The following RPS6KA2 variants were observed in gnomAD, a reference collection of about 807,000 sequenced individuals.
RPS6KA2 encodes ribosomal protein S6 kinase alpha-2.
Under a neutral mutation model 91.8 loss-of-function variants are expected in RPS6KA2, and 42 were observed. That is an observed-to-expected ratio of 0.46 (90% CI 0.36 to 0.59). The LOEUF (loss-of-function observed/expected upper bound fraction) is 0.59, where lower values mean the gene tolerates loss of function less well. Ranked by LOEUF, RPS6KA2 falls within the 20% of genes least tolerant of loss-of-function variation. RPS6KA2 has a pLI of 0.00. For missense variants in RPS6KA2, 798 were observed against 978.5 expected (o/e 0.82, Z 2.46); for synonymous variants, 414 against 393.6 (o/e 1.05, Z -0.61).
intron 2 of RPS6KA2, among the ~76,000 whole-genome samples, chr6:166,754,115 C>T (rs1000453649): frequency 2.6e-5 from 4 of 152,290 alleles, no homozygotes; most frequent in South Asian, 2.1e-4. Context: ...GTGCCTGGAA[C>T]GGTTTCTCAG....
rs80267189 is a variant in RPS6KA2 at position 166,532,282 on chromosome 6, G to C, written c.217-969C>G. Among the ~76,000 whole-genome samples the C allele has an allele frequency of 5.3e-4, 80 of 152,338 alleles. 4 individuals carry two copies. In the East Asian group the frequency reaches 0.015, roughly 28 times the overall value. On this transcript the variant is annotated intron_variant, in intron 2 of 20. Coordinates refer to ENST00000265678, the MANE Select transcript of RPS6KA2 (RefSeq NM_021135.6). ...GCAGCCTCACCTGCCATGGGCAGAG[G>C]GACATGGCTGGGACCTTTGCACTCT...
intron 1 of RPS6KA2, among the ~76,000 whole-genome samples, chr6:166,564,238 T>TC (rs1311241777): frequency 2.0e-5 from 3 of 152,222 alleles, no homozygotes; most frequent in Non-Finnish European, 4.4e-5. Flanking sequence ...CCCGCATCAT[T>TC]CGATCAAGAG....
intron 1 of RPS6KA2, among the ~76,000 whole-genome samples, chr6:166,560,316 A>T (rs993612586): frequency 1.3e-5 from 2 of 152,262 alleles, no homozygotes; most frequent in Non-Finnish European, 2.9e-5. Context: ...TTCAAAGAAC[A>T]ACTAGTCTTC....
intron 1 of RPS6KA2, among the ~76,000 whole-genome samples, chr6:166,577,731 G>A (rs905955727): frequency 7.2e-5 from 11 of 152,326 alleles, no homozygotes; most frequent in African/African-American, 2.6e-4. Context: ...GGTTAATGCT[G>A]AAATAAGTTA....
chr6:166,814,415 G>A (rs938577596), intron 2 of RPS6KA2, among the ~76,000 whole-genome samples: 13 of 152,182 alleles, frequency 8.5e-5, no homozygotes, highest in African/African-American at 3.1e-4. Context: ...ACTTTCTTAC[G>A]AATTATTTAA....
At chr6:166,838,192 A>C (rs1474562154) in intron 2 of RPS6KA2, among the ~76,000 whole-genome samples, 2 of 152,204 alleles carry the variant, frequency 1.3e-5, no homozygotes, top group African/African-American at 4.8e-5. Context: ...GTTGGAAATC[A>C]ATGCCTTGTC....
chr6:166,510,353 C>T lies in RPS6KA2; in HGVS notation c.303G>A (p.Arg101=). The change falls in exon 4 of 21, where the codon CGG becomes CGA. Residue 101 remains arginine, a synonymous_variant. Coordinates refer to ENST00000265678, the MANE Select transcript of RPS6KA2 (RefSeq NM_021135.6). The part of the protein sequence containing the change: ...KVLKKATLKV[R]DRVRSKMERD... ...TCTCCATCTTCGATCTCACTCGGTCCCGAACTGCAAAGTAAAAAGATAAAG... is the reference window on the plus strand; with the variant it reads ...TCTCCATCTTCGATCTCACTCGGTCTCGAACTGCAAAGTAAAAAGATAAAG... The T allele has an allele frequency of 1.3e-6, 2 of 1,586,622 alleles. No individual in the cohort carries two copies. The highest frequency in any genetic ancestry group is 1.7e-6 in the Non-Finnish European group (2 of 1,163,116).
chr6:166,521,071 C>T (rs890483160), intron 3 of RPS6KA2, among the ~76,000 whole-genome samples: 6 of 152,380 alleles, frequency 3.9e-5, no homozygotes, highest in Middle Eastern at 3.4e-3. Context: ...TGGGCAGACC[C>T]TGGTGCCCTG....
chr6:166,712,702 G>A (rs751070135), intron 2 of RPS6KA2, among the ~76,000 whole-genome samples: 6 of 152,176 alleles, frequency 3.9e-5, no homozygotes, highest in Non-Finnish European at 8.8e-5. Flanking sequence ...ATGTCCCACC[G>A]AGGCCCACAG....
intron 2 of RPS6KA2, among the ~76,000 whole-genome samples, chr6:166,673,828 G>A (rs1368845431): frequency 2.6e-5 from 4 of 152,198 alleles, no homozygotes; most frequent in Non-Finnish European, 4.4e-5. Context: ...TAAGCTTGCC[G>A]TAAGACATGC....
At chr6:166,594,587 C>G (rs1335094362) in intron 1 of RPS6KA2, among the ~76,000 whole-genome samples, 1 of 152,172 alleles carries the variant, frequency 6.6e-6, no homozygotes, top group East Asian at 1.9e-4. Context: ...CTCAGCCTCC[C>G]CAGTAGCTGG....
At chr6:166,705,174 T>C (rs1184428916) in intron 2 of RPS6KA2, among the ~76,000 whole-genome samples, 1 of 152,226 alleles carries the variant, frequency 6.6e-6, no homozygotes. Flanking sequence ...TCAATACCTC[T>C]TGCAGGATTT....
intron 2 of RPS6KA2, among the ~76,000 whole-genome samples, chr6:166,653,747 C>T (rs911681588): frequency 6.6e-6 from 1 of 152,206 alleles, no homozygotes; most frequent in African/African-American, 2.4e-5. Context: ...CAGGTAGCGG[C>T]TCCCTGGTTA....
In RPS6KA2 at chr6:166,415,063, TCAAA is replaced by T. The variant is rs553452457; in HGVS notation, c.1939-1136_1939-1133del. Among the ~76,000 whole-genome samples the T allele has an allele frequency of 1.2e-4, 19 of 152,216 alleles. 1 individual carries two copies. Among genetic ancestry groups the T allele is most frequent in the East Asian group, 5.8e-4 (3 of 5,184 alleles). On this transcript the variant is annotated intron_variant, in intron 19 of 20. Coordinates refer to ENST00000265678, the MANE Select transcript of RPS6KA2 (RefSeq NM_021135.6). ...GTGGGTTACATGGCAAGAGTCCATC[TCAAA>T]CAAACAAACAAACAAAAAAGAATGC...
intron 11 of RPS6KA2, among the ~76,000 whole-genome samples, chr6:166,463,759 T>C (rs1780418649): frequency 6.6e-6 from 1 of 152,228 alleles, no homozygotes; most frequent in African/African-American, 2.4e-5. Flanking sequence ...AAAGGGCACA[T>C]TTATAGATTA....
intron 11 of RPS6KA2, among the ~76,000 whole-genome samples, chr6:166,460,336 C>T (rs1370140136): frequency 1.3e-5 from 2 of 152,208 alleles, no homozygotes; most frequent in Admixed American, 6.5e-5. Flanking sequence ...GTTTTCAATC[C>T]TCTAGGGCAA....
intron 16 of RPS6KA2, 110 bp downstream of exon 16, chr6:166,430,343 A>C: frequency 1.0e-6 from 1 of 976,218 alleles, no homozygotes; most frequent in Non-Finnish European, 1.5e-6. Flanking sequence ...CACGGAAGGA[A>C]TTCCAGGACA....
chr6:166,655,769 C>T (rs763746313), intron 2 of RPS6KA2, among the ~76,000 whole-genome samples: 8 of 152,148 alleles, frequency 5.3e-5, no homozygotes, highest in Non-Finnish European at 2.9e-5. Flanking sequence ...ACTGGGCTGG[C>T]GAGAGTGTGA....
rs1310139349 is a variant in RPS6KA2, at chr6:166,666,802, A to G, written c.124-128018T>C. Among the ~76,000 whole-genome samples the G allele has an allele frequency of 6.6e-6, 1 of 152,264 alleles. No homozygotes were observed. The highest frequency in any genetic ancestry group is 1.5e-5 in the Non-Finnish European group (1 of 68,046). On this transcript the variant is annotated intron_variant, in intron 2 of 21. Transcript: ENST00000503859. The surrounding 1 kb of genome is among the most constrained non-coding windows in gnomAD (Gnocchi z 4.0). ...AAAAAGAATGGAAAGCAGAGCCTCA[A>G]AGAGACATTTGTACACTCACATTCA...
Sources: allele counts gnomAD v4.1 joint callset (sites outside exome capture counted in the v4.1 genomes callset), GRCh38; gene constraint gnomAD v4.1.1; non-coding constraint Gnocchi (gnomAD v3.1); transcripts MANE v1.5; gene names NCBI Gene and HGNC (gene_info 2026-07-23, HGNC 2026-07-21).